The following CAST variants were observed in gnomAD, a reference collection of about 807,000 sequenced individuals.
CAST encodes the protein calpastatin.
A neutral mutation model predicts 119.6 loss-of-function variants in CAST; 76 were observed. The observed-to-expected ratio is 0.64, with a 90% CI of 0.53 to 0.77. The LOEUF (loss-of-function observed/expected upper bound fraction) is 0.77, where lower values mean the gene tolerates loss of function less well. CAST is among the 30% of genes least tolerant of loss of function. The pLI is 0.00. For missense variants in CAST, 953 were observed against 946.5 expected, an observed-to-expected ratio of 1.01 and a Z score of -0.09; for synonymous variants, 319 against 331.6, an observed-to-expected ratio of 0.96 and a Z score of 0.41.
At chr5:96,398,873 A>T in the CAST span, 10 of 1,611,608 alleles carry the variant, frequency 6.2e-6, no homozygotes, top group Non-Finnish European at 7.6e-6. Context: ...AACTTTTTTA[A>T]TTTACCAGCA....
intron 1 of CAST, chr5:96,631,085 T>C (rs1747812389): frequency 1.4e-5 from 2 of 140,830 alleles, no homozygotes; most frequent in Admixed American, 1.4e-4. Flanking sequence ...AAAGACTCAA[T>C]GTAAGCATCT....
chr5:96,125,257 G>A, the CAST span, among the ~76,000 whole-genome samples: 6 of 152,254 alleles, frequency 3.9e-5, no homozygotes, highest in African/African-American at 1.4e-4. Context: ...TAAAGTCCCT[G>A]TAAATTTAAA....
the CAST span, among the ~76,000 whole-genome samples, chr5:96,079,841 T>C: frequency 6.6e-6 from 1 of 152,344 alleles, no homozygotes; most frequent in East Asian, 1.9e-4. Context: ...TATCCTATTC[T>C]TTTAAATGGC....
chr5:96,152,942 A>T, the CAST span, among the ~76,000 whole-genome samples: 1 of 152,218 alleles, frequency 6.6e-6, no homozygotes, highest in African/African-American at 2.4e-5. Context: ...TTTAAAAATC[A>T]AGTTGAGGAA....
chr5:96,157,601 C>A, the CAST span, among the ~76,000 whole-genome samples: 3 of 152,322 alleles, frequency 2.0e-5, no homozygotes, highest in East Asian at 5.8e-4. Context: ...GCTGGTTACA[C>A]ATTAGAATCG....
chr5:96,260,499 C>T, the CAST span, among the ~76,000 whole-genome samples: 1 of 152,188 alleles, frequency 6.6e-6, no homozygotes, highest in African/African-American at 2.4e-5. Flanking sequence ...GGAAAGCCAT[C>T]CATTTCTTAA....
the CAST span, among the ~76,000 whole-genome samples, chr5:96,488,916 A>G: frequency 2.6e-5 from 4 of 152,232 alleles, no homozygotes; most frequent in Non-Finnish European, 5.9e-5. Context: ...ATAAATGAAA[A>G]TGGCACAAAC....
At chr5:96,690,799 T>A (rs1752639185) in intron 2 of CAST, among the ~76,000 whole-genome samples, 1 of 152,240 alleles carries the variant, frequency 6.6e-6, no homozygotes, top group South Asian at 2.1e-4. Flanking sequence ...AATCTTTTTC[T>A]TGACACTGTT....
chr5:96,479,468 T>TTTA, the CAST span, among the ~76,000 whole-genome samples: 1 of 144,536 alleles, frequency 6.9e-6, no homozygotes. Context: ...TTTTTTTTTT[T>TTTA]GAGATGGAGT....
the CAST span, among the ~76,000 whole-genome samples, chr5:96,447,049 T>C: frequency 6.6e-6 from 1 of 152,204 alleles, no homozygotes; most frequent in Non-Finnish European, 1.5e-5. Context: ...CTGGTGCATG[T>C]TGGTTAAATT....
the CAST span, among the ~76,000 whole-genome samples, chr5:96,452,721 C>T: frequency 7.1e-6 from 1 of 139,986 alleles, no homozygotes; most frequent in African/African-American, 2.7e-5. Flanking sequence ...GAGGCCGAGG[C>T]GGGTGGATCA....
At chr5:96,099,021 C>T in the CAST span, among the ~76,000 whole-genome samples, 186 of 152,156 alleles carry the variant, frequency 1.2e-3, no homozygotes, top group Non-Finnish European at 2.1e-3. Flanking sequence ...TGTAGTTCTC[C>T]TTGTAGAGAT....
the CAST span, among the ~76,000 whole-genome samples, chr5:96,117,488 C>T: frequency 1.3e-5 from 2 of 152,084 alleles, no homozygotes; most frequent in Admixed American, 1.3e-4. Flanking sequence ...TCAAGTTCGA[C>T]AATAAATGGT....
chr5:96,571,932 T>C (rs1296003161), intron 1 of CAST, among the ~76,000 whole-genome samples: 3 of 152,220 alleles, frequency 2.0e-5, no homozygotes, highest in South Asian at 4.1e-4. Flanking sequence ...ATTAAATATA[T>C]TGATGTTGAG....
chr5:96,024,233 C>G, the CAST span, among the ~76,000 whole-genome samples: 2 of 152,090 alleles, frequency 1.3e-5, no homozygotes, highest in African/African-American at 4.8e-5. Flanking sequence ...TCAAGATGAG[C>G]ACTTAGCAAG....
At chr5:96,368,765 C>T in the CAST span, among the ~76,000 whole-genome samples, 515 of 152,158 alleles carry the variant, frequency 3.4e-3, 2 homozygotes, top group Middle Eastern at 0.014. Flanking sequence ...AATATCTATT[C>T]TATTACTTTT....
At chr5:96,012,217 T>C in the CAST span, among the ~76,000 whole-genome samples, 14 of 152,322 alleles carry the variant, frequency 9.2e-5, no homozygotes, top group African/African-American at 3.1e-4. Context: ...TTCCTTCTCT[T>C]TATTTCCCAG....
the CAST span, among the ~76,000 whole-genome samples, chr5:95,967,560 T>C: frequency 6.6e-6 from 1 of 152,160 alleles, no homozygotes; most frequent in Non-Finnish European, 1.5e-5. Flanking sequence ...AATTGAATCA[T>C]GGGGACAGTT....
At chr5:96,565,077 G>GTGTGT (rs141173880) in intron 1 of CAST, among the ~76,000 whole-genome samples, 1 of 148,642 alleles carries the variant, frequency 6.7e-6, no homozygotes, top group African/African-American at 2.5e-5. Context: ...ACATGGGAAA[G>GTGTGT]GTGTGTGTGT....
Sources: gnomAD v4.1 joint callset for allele counts (sites outside exome capture counted in the v4.1 genomes callset) on GRCh38, gnomAD v4.1.1 for gene constraint, MANE v1.5 for transcripts, NCBI Gene and HGNC (gene_info 2026-07-23, HGNC 2026-07-21) for gene names.